The following PBX1 variants were observed in gnomAD, a reference collection of about 807,000 sequenced individuals.
PBX1 encodes pre-B-cell leukemia transcription factor 1.
PBX1 carries 6 observed loss-of-function variants against 53.4 expected under a neutral mutation model. The observed-to-expected ratio is 0.11, with a 90% CI of 0.06 to 0.22. The LOEUF (loss-of-function observed/expected upper bound fraction) is 0.22. Ranked by LOEUF, PBX1 falls within the 10% of genes least tolerant of loss-of-function variation. The pLI is 1.00. For synonymous variants in PBX1, 204 were observed against 212.3 expected (o/e 0.96, Z 0.34); for missense variants, 251 against 551.4 (o/e 0.46, Z 5.46).
At chr1:164,697,550 A>G (rs533587826) in intron 2 of PBX1, among the ~76,000 whole-genome samples, 1 of 152,304 alleles carries the variant, frequency 6.6e-6, no homozygotes, top group South Asian at 2.1e-4. Flanking sequence ...GTGTTTACCT[A>G]TGTATTTTTG....
intron 2 of PBX1, among the ~76,000 whole-genome samples, chr1:164,678,559 T>C (rs1423903760): frequency 1.3e-5 from 2 of 152,168 alleles, no homozygotes; most frequent in Non-Finnish European, 2.9e-5. Context: ...GAGTGAAAAG[T>C]CTTGGGAACC....
intron 2 of PBX1, among the ~76,000 whole-genome samples, chr1:164,702,152 G>T (rs1192951739): frequency 6.6e-6 from 1 of 151,970 alleles, no homozygotes; most frequent in Non-Finnish European, 1.5e-5. Flanking sequence ...AGTGTGCCTT[G>T]CCCTGGCTGG....
At chr1:164,837,924 G>A (rs943190952) in intron 8 of PBX1, among the ~76,000 whole-genome samples, 10 of 152,260 alleles carry the variant, frequency 6.6e-5, no homozygotes, top group African/African-American at 1.9e-4. Context: ...AAACCACCCC[G>A]TGTCTCAGAT....
chr1:164,735,205 T>TA (rs1219168565), intron 2 of PBX1, among the ~76,000 whole-genome samples: 1 of 152,252 alleles, frequency 6.6e-6, no homozygotes, highest in Non-Finnish European at 1.5e-5. Flanking sequence ...AAGTATCCAT[T>TA]ACACTTGGCA....
At chr1:164,838,185 C>G (rs1174064300) in intron 8 of PBX1, among the ~76,000 whole-genome samples, 1 of 152,152 alleles carries the variant, frequency 6.6e-6, no homozygotes, top group African/African-American at 2.4e-5. Context: ...AAGGTAGTAA[C>G]TTCTAACAAG....
chr1:164,682,900 C>G (rs1661871732), intron 2 of PBX1: 1 of 92,970 alleles, frequency 1.1e-5, no homozygotes, highest in Admixed American at 1.1e-4. Context: ...CAGAGCAGCT[C>G]TTAGAGTTGT....
rs561430597 is a variant in PBX1 at position 164,764,347 on chromosome 1, TTGTG to T, written c.266-28143_266-28140del. On this transcript the variant is annotated intron_variant, in intron 2 of 8. Coordinates refer to ENST00000420696, the MANE Select transcript of PBX1 (RefSeq NM_002585.4). ...TTATATGTTCACGACAGGAAGGATT[TTGTG>T]TGTATTTGTGTATCTGTATAATATT... 1.2e-3 allele frequency among the ~76,000 whole-genome samples: 183 copies of T among 152,344 alleles called. 1 individual carries two copies. Among genetic ancestry groups the T allele is most frequent in the African/African-American group, 4.4e-3 (181 of 41,578 alleles).
chr1:164,689,948 GC>G (rs1662363885), intron 2 of PBX1, among the ~76,000 whole-genome samples: 1 of 152,078 alleles, frequency 6.6e-6, no homozygotes, highest in Non-Finnish European at 1.5e-5. Flanking sequence ...ATAGGAACAA[GC>G]TACATTTCTT....
At chr1:164,581,478 G>C (rs1654615971) in intron 2 of PBX1, among the ~76,000 whole-genome samples, 1 of 151,912 alleles carries the variant, frequency 6.6e-6, no homozygotes, top group Non-Finnish European at 1.5e-5. Flanking sequence ...CGCCTGCCTC[G>C]GCCTCCCAAA....
intron 8 of PBX1, among the ~76,000 whole-genome samples, chr1:164,822,748 A>G (rs1670222541): frequency 1.3e-5 from 2 of 152,216 alleles, no homozygotes; most frequent in Non-Finnish European, 2.9e-5. Context: ...GCATGCTAAC[A>G]CTATTAGATT....
At chr1:164,613,687 A>G (rs1271735815) in intron 2 of PBX1, among the ~76,000 whole-genome samples, 5 of 152,198 alleles carry the variant, frequency 3.3e-5, no homozygotes, top group Non-Finnish European at 7.3e-5. Flanking sequence ...TGTTTTTAAC[A>G]AATAAACAAT....
Position 164,846,831 on chromosome 1 carries a change from T to C in PBX1, c.*155T>C, listed in dbSNP as rs12135379. On this transcript the variant is annotated 3_prime_UTR_variant, in exon 9 of 9. Coordinates refer to ENST00000420696, the MANE Select transcript of PBX1 (RefSeq NM_002585.4). Reference sequence around the variant, plus strand: ...CCTTCTCTTCTCTTCTTTGGGATGCTATTTCAGCCAATCTGGACACTTCTT... The same window carrying C: ...CCTTCTCTTCTCTTCTTTGGGATGCCATTTCAGCCAATCTGGACACTTCTT... The C allele has an allele frequency of 1.6e-5, 24 of 1,475,166 alleles. No individual in the cohort carries two copies. Among genetic ancestry groups the C allele is most frequent in the Middle Eastern group, 2.5e-4 (1 of 4,014 alleles). 91.4% of individuals were successfully genotyped at this position (1,475,166 alleles called of 1,614,324 possible). A position where few individuals can be genotyped will look rare whatever the true frequency, so the allele number is the denominator to read the frequency against.
At chr1:164,791,869 G>A (rs1452298248) in intron 2 of PBX1, among the ~76,000 whole-genome samples, 1 of 152,088 alleles carries the variant, frequency 6.6e-6, no homozygotes, top group African/African-American at 2.4e-5. Flanking sequence ...TGCCCAGGCT[G>A]GAGTGCAATG....
chr1:164,599,490 C>T (rs1656015403), intron 2 of PBX1, among the ~76,000 whole-genome samples: 1 of 152,096 alleles, frequency 6.6e-6, no homozygotes, highest in Non-Finnish European at 1.5e-5. Flanking sequence ...AATTTTAGTC[C>T]TTTCTGGGGA....
chr1:164,629,368 TC>T (rs920083665), intron 2 of PBX1, among the ~76,000 whole-genome samples: 3 of 152,164 alleles, frequency 2.0e-5, no homozygotes, highest in Non-Finnish European at 4.4e-5. Context: ...TCTTTGGAAT[TC>T]CCTCACGGGC....
intron 2 of PBX1, among the ~76,000 whole-genome samples, chr1:164,586,749 A>C (rs566952947): frequency 1.3e-5 from 2 of 152,352 alleles, no homozygotes; most frequent in South Asian, 2.1e-4. Flanking sequence ...AACATGGCAT[A>C]GATTTAGAAA....
chr1:164,645,037 T>A lies in PBX1; in HGVS notation c.265+81726T>A, dbSNP rs978541514. 9.2e-5 allele frequency among the ~76,000 whole-genome samples: 14 copies of A among 152,208 alleles called. No homozygotes were observed. In the South Asian group the frequency reaches 2.1e-3, roughly 22 times the overall value. On this transcript the variant is annotated intron_variant, in intron 2 of 8. Transcript: ENST00000420696. ...TAAACATGGTGCATTGGGCACGGTG[T>A]ATATCTCTTTGTTTAGTTTTGGGTT...
chr1:164,657,606 A>G (rs759228039), intron 2 of PBX1, among the ~76,000 whole-genome samples: 90 of 152,342 alleles, frequency 5.9e-4, no homozygotes, highest in Non-Finnish European at 1.2e-3. Context: ...TGATAGTAAA[A>G]TATGGAGCAT....
At chr1:164,790,272 C>T (rs1447425724) in intron 2 of PBX1, among the ~76,000 whole-genome samples, 1 of 152,052 alleles carries the variant, frequency 6.6e-6, no homozygotes, top group African/African-American at 2.4e-5. Flanking sequence ...CCTTATTGTG[C>T]AAAGATCAGC....
Sources: gnomAD v4.1 joint callset for allele counts (sites outside exome capture counted in the v4.1 genomes callset) on GRCh38, gnomAD v4.1.1 for gene constraint, MANE v1.5 for transcripts, NCBI Gene and HGNC (gene_info 2026-07-23, HGNC 2026-07-21) for gene names.